PARP1: variants seen among roughly 807,000 people sequenced by gnomAD.
The protein encoded by PARP1 is poly [ADP-ribose] polymerase 1.
Under a neutral mutation model 118.7 loss-of-function variants are expected in PARP1, and 44 were observed. The ratio of observed to expected loss-of-function variants is 0.37; its 90% confidence interval spans 0.29 to 0.48. The LOEUF is 0.48. Among genes scored for constraint, PARP1 ranks in the 20% least tolerant of loss-of-function variants. The pLI is 0.99. For synonymous variants in PARP1, 492 were observed against 483.2 expected (o/e 1.02, Z -0.24); for missense variants, 1,100 against 1,272.4 (o/e 0.86, Z 2.06).
In PARP1 at chr1:226,363,589, T is replaced by G. The variant is rs140961805; in HGVS notation, c.2786+354A>C. Among the ~76,000 whole-genome samples, 62 of 152,332 alleles carry G rather than the reference T, an allele frequency of 4.1e-4. 1 individual carries two copies. The highest frequency in any genetic ancestry group is 1.4e-3 in the African/African-American group (60 of 41,566). ...TCTGGAAGTGGAATTAAAATTCCAG[T>G]TCCATTTGGGTTGGTCTAAGAAAAC... On this transcript the variant is annotated intron_variant, in intron 20 of 22. Coordinates refer to ENST00000366794, the MANE Select transcript of PARP1 (RefSeq NM_001618.4).
intron 7 of PARP1, among the ~76,000 whole-genome samples, chr1:226,385,283 C>T (rs1664692802): frequency 1.3e-5 from 2 of 152,242 alleles, no homozygotes; most frequent in South Asian, 4.1e-4. Context: ...CAACATTTTA[C>T]ACCAAATGGA....
rs2102724629 is a variant in PARP1, at chr1:226,361,538, G to A, written c.2967C>T (p.Tyr989=). ...VNDTSLLYNE[Y]IVYDIAQVNL... Reference sequence around the variant, plus strand: ...TTACCTGAGCAATATCATAGACAATGTACCTGAGGGGAAGCTTGTTAAGGA... The same window carrying A: ...TTACCTGAGCAATATCATAGACAATATACCTGAGGGGAAGCTTGTTAAGGA... Residue 989 remains tyrosine, a synonymous_variant, in exon 23 of 23, where the codon TAC becomes TAT. Coordinates refer to ENST00000366794, the MANE Select transcript of PARP1 (RefSeq NM_001618.4). The A allele has an allele frequency of 1.9e-6, 3 of 1,607,246 alleles. No homozygotes were observed. Among genetic ancestry groups the A allele is most frequent in the Non-Finnish European group, 2.6e-6 (3 of 1,173,740 alleles).
rs546898032 is a variant in PARP1 at position 226,405,476 on chromosome 1, T to C, written c.120+2334A>G. Among the ~76,000 whole-genome samples the C allele has an allele frequency of 7.2e-5, 11 of 152,228 alleles. No individual in the cohort carries two copies. In the East Asian group the frequency reaches 1.9e-3, roughly 27 times the overall value. On this transcript the variant is annotated intron_variant, in intron 1 of 22. Coordinates refer to ENST00000366794, the MANE Select transcript of PARP1 (RefSeq NM_001618.4). ...ACGCACCACCACGACCCGCTAATCA[T>C]TGCATTTTTTTGTAGAGACAGGTTT...
rs199783084 is a variant in PARP1, at chr1:226,392,274, A to C, written c.327T>G (p.Thr109=). ...CATACTCTGCTGCAAAGTCACCCAG[A>C]GTCTTCTCTGCCTTGCTACCAATTC... is the stretch of plus-strand genomic sequence containing the variant. ...QDGIGSKAEK[T]LGDFAAEYAK... The change falls in exon 3 of 23, where the codon ACT becomes ACG. Residue 109 remains threonine, a synonymous_variant. Coordinates refer to ENST00000366794, the MANE Select transcript of PARP1 (RefSeq NM_001618.4). 1.9e-6 allele frequency: 3 copies of C among 1,613,964 alleles called. No individual in the cohort carries two copies. The highest frequency in any genetic ancestry group is 1.6e-4 in the Middle Eastern group (1 of 6,062).
Position 226,367,617 on chromosome 1 carries a change from G to A in PARP1, c.2278-9C>T, listed in dbSNP as rs1389951466. 11 of 1,613,838 alleles carry A rather than the reference G, an allele frequency of 6.8e-6. No individual in the cohort carries two copies. The Admixed American group carries it at 8.3e-5, about 12-fold the overall frequency. On this transcript the variant is annotated splice_polypyrimidine_tract_variant and intron_variant, in intron 16 of 22. Transcript: ENST00000366794. ...AGCATTTCCACCTTGGCCTGGAGGA[G>A]CAAAAGAAAGCCCCCGACTTAGGTA... is the stretch of plus-strand genomic sequence containing the variant.
At chr1:226,377,763 G>A (rs1049272126) in intron 12 of PARP1, among the ~76,000 whole-genome samples, 1 of 152,102 alleles carries the variant, frequency 6.6e-6, no homozygotes, top group Non-Finnish European at 1.5e-5. Flanking sequence ...CCTCAGGTCC[G>A]GTGACCTAGA....
At chr1:226,365,873 C>A in intron 18 of PARP1, 81 bp downstream of exon 18, 2 of 884,290 alleles carry the variant, frequency 2.3e-6, no homozygotes, top group Non-Finnish European at 1.9e-6. Context: ...CTGCTCTTTT[C>A]TACCCAGGCC....
intron 13 of PARP1, among the ~76,000 whole-genome samples, chr1:226,375,053 C>T (rs183419101): frequency 1.6e-4 from 24 of 152,326 alleles, no homozygotes; most frequent in Admixed American, 1.3e-3. Context: ...GTGCTCTGTC[C>T]AGCACAGTGT....
intron 9 of PARP1, among the ~76,000 whole-genome samples, 197 bp downstream of exon 9, chr1:226,380,871 G>T (rs891840239): frequency 5.9e-5 from 9 of 152,146 alleles, no homozygotes; most frequent in African/African-American, 2.2e-4. Context: ...TTGAGAACAC[G>T]CAATGCATGT....
intron 10 of PARP1, 139 bp from the exon 11 acceptor site, chr1:226,379,780 A>T (rs1664568468): frequency 1.4e-6 from 2 of 1,433,408 alleles, no homozygotes; most frequent in Admixed American, 3.4e-5. Flanking sequence ...CCGCCACCCC[A>T]AAGCGCCTGC....
rs1664534331 is a variant in PARP1, at chr1:226,378,329, AG to A, written c.1745+812del. Among the ~76,000 whole-genome samples the A allele has an allele frequency of 2.0e-5, 3 of 152,028 alleles. No homozygotes were observed. In the South Asian group the frequency reaches 6.2e-4, roughly 32 times the overall value. On this transcript the variant is annotated intron_variant, in intron 12 of 22. Coordinates refer to ENST00000366794, the MANE Select transcript of PARP1 (RefSeq NM_001618.4). ...CTCTGCCTAGAAACATAAGGACAAA[AG>A]CCAGCCCAACCTCTCACCACCTCCC...
At chr1:226,362,250 A>T in intron 21 of PARP1, 167 bp from the exon 22 acceptor site, 1 of 590,126 alleles carries the variant, frequency 1.7e-6, no homozygotes, top group Admixed American at 2.8e-5. Flanking sequence ...CAATGGTGTG[A>T]CTTCAGCTCA....
At chr1:226,365,489 T>G (rs1187465350) in intron 18 of PARP1, among the ~76,000 whole-genome samples, 1 of 152,224 alleles carries the variant, frequency 6.6e-6, no homozygotes, top group Non-Finnish European at 1.5e-5. Flanking sequence ...CCCAAACTAC[T>G]GTATAAGACT....
intron 14 of PARP1, among the ~76,000 whole-genome samples, chr1:226,373,135 G>A (rs1664423334): frequency 6.6e-6 from 1 of 152,210 alleles, no homozygotes; most frequent in South Asian, 2.1e-4. Context: ...GCTGCCAGTG[G>A]TTTATACTGC....
rs575165976 is a variant in PARP1, at chr1:226,366,095, G to A, written c.2407-43C>T. Reference sequence around the variant, plus strand: ...TGGGATTAGCACAAAAGAGACCCAGGAGAGCTACAGAGGAGGAATGCTCAG... The same window carrying A: ...TGGGATTAGCACAAAAGAGACCCAGAAGAGCTACAGAGGAGGAATGCTCAG... On this transcript the variant is annotated intron_variant, in intron 17 of 22. Coordinates refer to ENST00000366794, the MANE Select transcript of PARP1 (RefSeq NM_001618.4). 6.2e-6 allele frequency: 8 copies of A among 1,296,306 alleles called. No homozygotes were observed. The South Asian group carries it at 9.5e-5, about 15-fold the overall frequency. 80.3% of individuals were successfully genotyped at this position (1,296,306 alleles called of 1,614,324 possible). A position where few individuals can be genotyped will look rare whatever the true frequency, so the allele number is the denominator to read the frequency against.
chr1:226,392,926 G>A, intron 2 of PARP1: 2 of 1,566,228 alleles, frequency 1.3e-6, no homozygotes, highest in Non-Finnish European at 1.7e-6. Flanking sequence ...CCTAAGATTA[G>A]GAATAAGACG....
rs114154260 is a variant in PARP1 at position 226,378,100 on chromosome 1, A to C, written c.1746-797T>G. Among the ~76,000 whole-genome samples, 810 of 152,200 alleles carry C rather than the reference A, an allele frequency of 5.3e-3. 3 individuals carry two copies. Among genetic ancestry groups the C allele is most frequent in the Non-Finnish European group, 9.4e-3 (642 of 67,998 alleles). On this transcript the variant is annotated intron_variant, in intron 12 of 22. Coordinates refer to ENST00000366794, the MANE Select transcript of PARP1 (RefSeq NM_001618.4). ...TTTTTGAGAAGCACTACCTTGATCT[A>C]CGTTGAAAATTTTTTCTGACCCTAA...
At chr1:226,399,438 T>C (rs932769333) in intron 2 of PARP1, among the ~76,000 whole-genome samples, 10 of 152,116 alleles carry the variant, frequency 6.6e-5, no homozygotes, top group African/African-American at 1.4e-4. Flanking sequence ...ACCTTCTGTA[T>C]GATTCCAACT....
chr1:226,384,306 G>A (rs763151730), intron 7 of PARP1, among the ~76,000 whole-genome samples: 1 of 152,258 alleles, frequency 6.6e-6, no homozygotes, highest in Non-Finnish European at 1.5e-5. Flanking sequence ...GGCAGAAAAA[G>A]GCTGCAGAAG....
Sources: gnomAD v4.1 joint callset for allele counts (sites outside exome capture counted in the v4.1 genomes callset) on GRCh38, gnomAD v4.1.1 for gene constraint, MANE v1.5 for transcripts, NCBI Gene and HGNC (gene_info 2026-07-23, HGNC 2026-07-21) for gene names.